ST8SIA2: variants seen among roughly 807,000 people sequenced by gnomAD.
ST8SIA2 encodes the protein alpha-2,8-sialyltransferase 8B.
A neutral mutation model predicts 37.6 loss-of-function variants in ST8SIA2; 22 were observed. The ratio of observed to expected loss-of-function variants is 0.58; its 90% CI spans 0.42 to 0.83. The LOEUF is 0.83. Ranked by LOEUF, ST8SIA2 falls within the 40% of genes least tolerant of loss-of-function variation. The pLI is 0.00. For synonymous variants in ST8SIA2, 205 were observed against 201.2 expected (o/e 1.02, Z -0.16); for missense variants, 382 against 484.7 (o/e 0.79, Z 1.99).
Position 92,444,723 on chromosome 15 carries a change from G to C in ST8SIA2, c.636G>C (p.Arg212=). 6.2e-7 allele frequency: 1 copy of C among 1,614,222 alleles called. No homozygotes were observed. Among genetic ancestry groups the C allele is most frequent in the South Asian group, 1.1e-5 (1 of 91,088 alleles). The change falls in exon 5 of 6, where the codon CGG becomes CGC. Residue 212 remains arginine, a synonymous_variant. Transcript: ENST00000268164. ...CCATGAACCCCTCGGTCATCCAGCG[G>C]GCCTTTGAGGACTTGGTCAATGCCA... The part of the protein sequence containing the change: ...LVTMNPSVIQ[R]AFEDLVNATW...
chr15:92,449,246 T>C (rs1274561575), intron 5 of ST8SIA2, among the ~76,000 whole-genome samples: 1 of 152,238 alleles, frequency 6.6e-6, no homozygotes, highest in African/African-American at 2.4e-5. Flanking sequence ...TGAGAACATG[T>C]GGCATTTGGT....
chr15:92,440,917 G>C (rs2049796956), intron 4 of ST8SIA2, among the ~76,000 whole-genome samples: 1 of 152,200 alleles, frequency 6.6e-6, no homozygotes, highest in East Asian at 1.9e-4. Flanking sequence ...AATTCCCCAT[G>C]GACTCTGTCT....
At chr15:92,436,220 T>C (rs528966670) in intron 3 of ST8SIA2, among the ~76,000 whole-genome samples, 4 of 152,240 alleles carry the variant, frequency 2.6e-5, no homozygotes, top group African/African-American at 9.6e-5. Context: ...GAGGTGGGCA[T>C]ATATTTTAGA....
At chr15:92,414,913 C>T (rs1055382384) in intron 1 of ST8SIA2, among the ~76,000 whole-genome samples, 7 of 152,230 alleles carry the variant, frequency 4.6e-5, no homozygotes, top group Admixed American at 6.5e-5. Flanking sequence ...CATATTTGGG[C>T]TTTCCCCTAG....
At chr15:92,459,193 G>C (rs1255862239) in intron 5 of ST8SIA2, among the ~76,000 whole-genome samples, 1 of 152,166 alleles carries the variant, frequency 6.6e-6, no homozygotes. Flanking sequence ...CCCCTACTAA[G>C]ACCTTGCTAT....
intron 1 of ST8SIA2, among the ~76,000 whole-genome samples, chr15:92,408,672 A>ATTTTTTTT (rs568463772): frequency 6.9e-6 from 1 of 144,376 alleles, no homozygotes; most frequent in Non-Finnish European, 1.5e-5. Context: ...ACTGAGTTCC[A>ATTTTTTTT]TTTTTTTTAT....
At chr15:92,431,760 T>C (rs1034535586) in intron 2 of ST8SIA2, among the ~76,000 whole-genome samples, 8 of 152,192 alleles carry the variant, frequency 5.3e-5, no homozygotes, top group African/African-American at 1.2e-4. Context: ...ATCCCCTTTA[T>C]TTTACAGATA....
intron 1 of ST8SIA2, among the ~76,000 whole-genome samples, chr15:92,397,587 C>G (rs1335829644): frequency 6.6e-6 from 1 of 152,028 alleles, no homozygotes; most frequent in East Asian, 1.9e-4. Context: ...TAAAATAGGC[C>G]CTGATCAATT....
rs1018771717 is a variant in ST8SIA2 at position 92,466,195 on chromosome 15, G to C, written c.*1810G>C. On this transcript the variant is annotated 3_prime_UTR_variant, in exon 6 of 6. Transcript: ENST00000268164. ...TCTGCATTTTCCCTTGTTGTTGCTTGAAGTCTGTGATTGGGGATTTGCGTT... is the reference window on the plus strand; with the variant it reads ...TCTGCATTTTCCCTTGTTGTTGCTTCAAGTCTGTGATTGGGGATTTGCGTT... The C allele has an allele frequency of 3.9e-5, 6 of 152,226 alleles. No individual in the cohort carries two copies. Among genetic ancestry groups the C allele is most frequent in the Admixed American group, 3.9e-4 (6 of 15,284 alleles). The allele number at this position is 152,226 out of a possible 1,614,324, so 9.4% of individuals were successfully genotyped here. A position where few individuals can be genotyped will look rare whatever the true frequency, so the allele number is the denominator to read the frequency against.
intron 5 of ST8SIA2, among the ~76,000 whole-genome samples, chr15:92,454,896 G>T (rs376307922): frequency 2.0e-5 from 3 of 151,992 alleles, no homozygotes; most frequent in Non-Finnish European, 4.4e-5. Context: ...AGGAGGCTGC[G>T]ACCCACAGAG....
chr15:92,396,070 A>C (rs2049428479), intron 1 of ST8SIA2, among the ~76,000 whole-genome samples: 2 of 152,320 alleles, frequency 1.3e-5, no homozygotes, highest in South Asian at 4.1e-4. Flanking sequence ...GTCTCACTTG[A>C]GTGCTCCCTG....
chr15:92,401,445 T>C (rs2049470669), intron 1 of ST8SIA2, among the ~76,000 whole-genome samples: 1 of 152,240 alleles, frequency 6.6e-6, no homozygotes, highest in Non-Finnish European at 1.5e-5. Context: ...GGGACCTGTG[T>C]GTCCCATGTT....
chr15:92,455,761 T>C (rs923329475), intron 5 of ST8SIA2, among the ~76,000 whole-genome samples: 1 of 152,222 alleles, frequency 6.6e-6, no homozygotes, highest in Non-Finnish European at 1.5e-5. Context: ...TGCAAACATA[T>C]GCACATCTAT....
chr15:92,409,683 C>A (rs2049535718), intron 1 of ST8SIA2, among the ~76,000 whole-genome samples: 1 of 152,208 alleles, frequency 6.6e-6, no homozygotes, highest in Non-Finnish European at 1.5e-5. Context: ...GTGCCACGAG[C>A]CACCCTGCTG....
At chr15:92,406,991 T>C (rs2049512177) in intron 1 of ST8SIA2, among the ~76,000 whole-genome samples, 1 of 126,868 alleles carries the variant, frequency 7.9e-6, no homozygotes. Flanking sequence ...TGAAACCCTG[T>C]CTCAAAAAAA....
At chr15:92,404,112 G>A (rs2049490116) in intron 1 of ST8SIA2, among the ~76,000 whole-genome samples, 1 of 152,320 alleles carries the variant, frequency 6.6e-6, no homozygotes, top group African/African-American at 2.4e-5. Flanking sequence ...GCTCACTTAG[G>A]TATTCATCAT....
chr15:92,455,458 CT>C (rs1347032134), intron 5 of ST8SIA2, among the ~76,000 whole-genome samples: 2 of 152,216 alleles, frequency 1.3e-5, no homozygotes, highest in African/African-American at 2.4e-5. Flanking sequence ...TCCGCACCCC[CT>C]GTCCTCCTCC....
intron 2 of ST8SIA2, among the ~76,000 whole-genome samples, chr15:92,431,497 T>G (rs2141828940): frequency 6.6e-6 from 1 of 152,348 alleles, no homozygotes; most frequent in Non-Finnish European, 1.5e-5. Flanking sequence ...TATTTGATGC[T>G]TGTTACTACT....
intron 1 of ST8SIA2, among the ~76,000 whole-genome samples, chr15:92,399,567 T>C (rs1001814054): frequency 1.3e-5 from 2 of 152,148 alleles, no homozygotes; most frequent in African/African-American, 2.4e-5. Context: ...AGGCACTCTG[T>C]AAGAAGTACA....
Sources: gnomAD v4.1 joint callset for allele counts (sites outside exome capture counted in the v4.1 genomes callset) on GRCh38, gnomAD v4.1.1 for gene constraint, MANE v1.5 for transcripts, NCBI Gene and HGNC (gene_info 2026-07-23, HGNC 2026-07-21) for gene names.